Variants in MAPK10 observed in about 807,000 individuals in gnomAD.
MAPK10 encodes the protein mitogen-activated protein kinase 10, also known as JNK3 alpha protein kinase.
Under a neutral mutation model 59.3 loss-of-function variants are expected in MAPK10, and 25 were observed. That is an observed-to-expected ratio of 0.42 (90% CI 0.31 to 0.59). The LOEUF is 0.59. Ranked by LOEUF, MAPK10 falls within the 20% of genes least tolerant of loss-of-function variation. The pLI is 0.15. For synonymous variants in MAPK10, 190 were observed against 200.5 expected, an observed-to-expected ratio of 0.95 and a Z score of 0.44; for missense variants, 351 against 568.9, an observed-to-expected ratio of 0.62 and a Z score of 3.90.
chr4:86,576,601 C>T (rs1333727083), intron 1 of MAPK10, among the ~76,000 whole-genome samples: 1 of 149,864 alleles, frequency 6.7e-6, no homozygotes, highest in African/African-American at 2.5e-5. Context: ...AGCGAAACCC[C>T]GTCTCTACTA....
chr4:86,196,285 T>C (rs1308705607), intron 2 of MAPK10, among the ~76,000 whole-genome samples: 4 of 152,230 alleles, frequency 2.6e-5, no homozygotes, highest in African/African-American at 7.2e-5. Context: ...TGTTATCTTA[T>C]TGCAGTTTTG....
chr4:86,096,499 A>G (rs1008216036), intron 9 of MAPK10, among the ~76,000 whole-genome samples: 3 of 151,994 alleles, frequency 2.0e-5, no homozygotes, highest in African/African-American at 7.2e-5. Flanking sequence ...GATCTCAGAG[A>G]ACAACCTCGC....
intron 1 of MAPK10, among the ~76,000 whole-genome samples, chr4:86,359,290 G>A (rs28406787): frequency 1.8e-5 from 1 of 56,904 alleles, no homozygotes; most frequent in Non-Finnish European, 3.3e-5. Flanking sequence ...CTCTCTCTCT[G>A]TGTGTGTGTG....
intron 11 of MAPK10, among the ~76,000 whole-genome samples, chr4:86,049,277 A>T (rs2043080900): frequency 6.6e-6 from 1 of 152,116 alleles, no homozygotes; most frequent in Non-Finnish European, 1.5e-5. Context: ...TTGGGGAACA[A>T]AAAAGTTTGA....
intron 2 of MAPK10, among the ~76,000 whole-genome samples, chr4:86,214,801 T>C (rs2086951217): frequency 6.6e-6 from 1 of 152,180 alleles, no homozygotes; most frequent in Non-Finnish European, 1.5e-5. Flanking sequence ...CTCATGTTCA[T>C]AGATTGGATG....
chr4:86,246,421 A>T (rs2093092759), intron 2 of MAPK10, among the ~76,000 whole-genome samples: 1 of 152,144 alleles, frequency 6.6e-6, no homozygotes, highest in African/African-American at 2.4e-5. Flanking sequence ...GCAGAGCAAG[A>T]CTCCATCTCA....
At chr4:86,064,881 CT>C (rs1273958619) in intron 10 of MAPK10, 1 of 152,226 alleles carries the variant, frequency 6.6e-6, no homozygotes, top group African/African-American at 2.4e-5. Flanking sequence ...ACAAATTTTT[CT>C]TTTCTTTTTG....
chr4:86,156,015 G>A (rs1041293159), intron 4 of MAPK10, among the ~76,000 whole-genome samples: 2 of 151,994 alleles, frequency 1.3e-5, no homozygotes, highest in African/African-American at 4.8e-5. Context: ...GAGATAGAGT[G>A]AGACAGGGCA....
At chr4:86,565,327 A>T (rs2149106002) in intron 1 of MAPK10, among the ~76,000 whole-genome samples, 1 of 152,334 alleles carries the variant, frequency 6.6e-6, no homozygotes, top group East Asian at 1.9e-4. Context: ...TTCCAATTCC[A>T]CCATTGTATT....
At chr4:86,271,031 G>A (rs949263131) in intron 2 of MAPK10, among the ~76,000 whole-genome samples, 3 of 152,030 alleles carry the variant, frequency 2.0e-5, no homozygotes, top group African/African-American at 4.8e-5. Context: ...TGGATCATAA[G>A]TAGTTAGGAG....
At chr4:86,093,438 A>G (rs185791265) in intron 9 of MAPK10, among the ~76,000 whole-genome samples, 1 of 151,622 alleles carries the variant, frequency 6.6e-6, no homozygotes, top group African/African-American at 2.4e-5. Context: ...TAATTTTTAT[A>G]AAAATTATAA....
chr4:86,541,200 G>C (rs1229981826), intron 1 of MAPK10, among the ~76,000 whole-genome samples: 2 of 152,146 alleles, frequency 1.3e-5, no homozygotes, highest in Non-Finnish European at 2.9e-5. Flanking sequence ...AGTGGGGAGT[G>C]GGGGCAGGGG....
intron 1 of MAPK10, among the ~76,000 whole-genome samples, chr4:86,542,153 A>G (rs1368835063): frequency 6.6e-6 from 1 of 152,150 alleles, no homozygotes; most frequent in African/African-American, 2.4e-5. Flanking sequence ...ATTATCCATA[A>G]TGTCCAGAAA....
chr4:86,425,130 T>A (rs1307837313), intron 1 of MAPK10, among the ~76,000 whole-genome samples: 1 of 152,098 alleles, frequency 6.6e-6, no homozygotes, highest in African/African-American at 2.4e-5. Flanking sequence ...AAAGAAAGAA[T>A]CAACATGTGG....
At chr4:86,020,391 T>C (rs1204165374) in intron 13 of MAPK10, 1 of 152,270 alleles carries the variant, frequency 6.6e-6, no homozygotes, top group South Asian at 2.1e-4. Flanking sequence ...AATGCTGTTA[T>C]GAACATTCAT....
At chr4:86,552,374 C>A (rs1354101968) in intron 1 of MAPK10, among the ~76,000 whole-genome samples, 2 of 150,200 alleles carry the variant, frequency 1.3e-5, no homozygotes, top group East Asian at 4.0e-4. Context: ...TGAGCCAAGA[C>A]TGCACCACTG....
intron 1 of MAPK10, among the ~76,000 whole-genome samples, chr4:86,423,774 T>TAC (rs1746871221): frequency 1.3e-5 from 1 of 79,360 alleles, no homozygotes; most frequent in Non-Finnish European, 3.2e-5. Flanking sequence ...TATATACATA[T>TAC]ATATATATAT....
chr4:86,360,800 CCAAA>C (rs146509524), upstream of MAPK10, among the ~76,000 whole-genome samples: 2 of 152,068 alleles, frequency 1.3e-5, no homozygotes, highest in Admixed American at 1.3e-4. Context: ...TTTAAAGTCT[CCAAA>C]CAGTTTTACT....
intron 2 of MAPK10, among the ~76,000 whole-genome samples, chr4:86,293,671 G>C (rs2095284888): frequency 6.6e-6 from 1 of 152,066 alleles, no homozygotes. Context: ...TCTGCTTCTG[G>C]GGAGGCCTCA....
Sources: allele counts gnomAD v4.1 joint callset (sites outside exome capture counted in the v4.1 genomes callset), GRCh38; gene constraint gnomAD v4.1.1; transcripts MANE v1.5; gene names NCBI Gene and HGNC (gene_info 2026-07-23, HGNC 2026-07-21).